PRKCQ: variants seen among roughly 807,000 people sequenced by gnomAD.
The protein encoded by PRKCQ is protein kinase C theta type.
Under a neutral mutation model 91.2 loss-of-function variants are expected in PRKCQ, and 41 were observed. The observed-to-expected ratio is 0.45, with a 90% confidence interval of 0.35 to 0.58. The LOEUF (loss-of-function observed/expected upper bound fraction) is 0.58. Ranked by LOEUF, PRKCQ falls within the 20% of genes least tolerant of loss-of-function variation. PRKCQ has a pLI of 0.00. For missense variants in PRKCQ, 673 were observed against 896.5 expected (o/e 0.75, Z 3.18); for synonymous variants, 307 against 316.9 (o/e 0.97, Z 0.33).
chr10:6,424,480 G>A (rs752272052), downstream of PRKCQ, among the ~76,000 whole-genome samples: 6 of 152,114 alleles, frequency 3.9e-5, no homozygotes, highest in East Asian at 1.9e-4. Flanking sequence ...CTTCTTCCCC[G>A]AAGTTGGGAA....
chr10:6,488,673 C>T (rs1025959742), intron 8 of PRKCQ, among the ~76,000 whole-genome samples: 11 of 152,238 alleles, frequency 7.2e-5, no homozygotes, highest in African/African-American at 1.7e-4. Flanking sequence ...TGTGAGCCAC[C>T]GCGCCCGGTC....
the PRKCQ span, among the ~76,000 whole-genome samples, chr10:6,411,357 G>A: frequency 6.6e-6 from 1 of 152,100 alleles, no homozygotes; most frequent in African/African-American, 2.4e-5. Flanking sequence ...TTTTCCTCAT[G>A]CCCCTTGGGA....
chr10:6,411,105 C>CTTA, the PRKCQ span, among the ~76,000 whole-genome samples: 1 of 151,946 alleles, frequency 6.6e-6, no homozygotes, highest in Non-Finnish European at 1.5e-5. Context: ...CTTAGGTCAT[C>CTTA]GGTATATTTT....
At chr10:6,536,404 T>C (rs1054662481) in intron 1 of PRKCQ, among the ~76,000 whole-genome samples, 21 of 152,186 alleles carry the variant, frequency 1.4e-4, no homozygotes, top group African/African-American at 4.8e-4. Context: ...ATGTCCACTG[T>C]CTTCTTTCAG....
At chr10:6,550,093 CT>C (rs1840124991) in intron 1 of PRKCQ, among the ~76,000 whole-genome samples, 2 of 152,286 alleles carry the variant, frequency 1.3e-5, no homozygotes, top group Admixed American at 1.3e-4. Context: ...GCCCTGCAAT[CT>C]CCGTTCTACT....
the PRKCQ span, among the ~76,000 whole-genome samples, chr10:6,414,792 G>GA: frequency 0.55 from 76,232 of 138,386 alleles, 20,492 homozygotes; most frequent in African/African-American, 0.64. Flanking sequence ...AAGTGATAAA[G>GA]AAAAAAAAAA....
At chr10:6,560,439 G>A (rs532834667) in intron 1 of PRKCQ, among the ~76,000 whole-genome samples, 17 of 152,244 alleles carry the variant, frequency 1.1e-4, no homozygotes, top group Non-Finnish European at 1.9e-4. Flanking sequence ...CTCCATGACT[G>A]AATCTAAAAA....
rs1554782517 is a variant in PRKCQ, at chr10:6,553,499, A to ATAAAAAT, written c.-10+26711_-10+26712insATTTTTA. ...AGCAAGACCCTGTCTCAAAAAAAAA[A>ATAAAAAT]AAAAAAAAAAAAAAAAAACAAACAA... is the stretch of plus-strand genomic sequence containing the variant. On this transcript the variant is annotated intron_variant, in intron 1 of 17. Coordinates refer to ENST00000263125, the MANE Select transcript of PRKCQ (RefSeq NM_006257.5). 5.6e-3 allele frequency among the ~76,000 whole-genome samples: 34 copies of ATAAAAAT among 6,020 alleles called. 2 individuals carry two copies. The South Asian group carries it at 0.14, about 24-fold the overall frequency. 3.9% of individuals were successfully genotyped at this position (6,020 alleles called of 152,430 possible). A position where few individuals can be genotyped will look rare whatever the true frequency, so the allele number is the denominator to read the frequency against.
chr10:6,476,032 G>A (rs1836250406), intron 12 of PRKCQ, among the ~76,000 whole-genome samples: 3 of 152,044 alleles, frequency 2.0e-5, no homozygotes, highest in Admixed American at 6.6e-5. Context: ...CCAGCTGCAC[G>A]GAACTCATTT....
At chr10:6,577,060 T>C (rs1057027439) in intron 1 of PRKCQ, among the ~76,000 whole-genome samples, 4 of 152,222 alleles carry the variant, frequency 2.6e-5, no homozygotes, top group Middle Eastern at 3.4e-3. Flanking sequence ...TTATTATTAT[T>C]ATAATTAATA....
chr10:6,423,677 C>T (rs953589715), downstream of PRKCQ, among the ~76,000 whole-genome samples: 3 of 152,128 alleles, frequency 2.0e-5, no homozygotes, highest in African/African-American at 7.2e-5. Flanking sequence ...CAGGACGACC[C>T]TGTGTCTCTG....
intron 1 of PRKCQ, among the ~76,000 whole-genome samples, chr10:6,558,760 A>C (rs920019578): frequency 6.6e-6 from 1 of 152,186 alleles, no homozygotes; most frequent in East Asian, 1.9e-4. Flanking sequence ...TGAGGGGTCT[A>C]ATTTCTTATT....
intron 1 of PRKCQ, among the ~76,000 whole-genome samples, chr10:6,577,986 G>T (rs1173828480): frequency 6.6e-6 from 1 of 152,208 alleles, no homozygotes; most frequent in Non-Finnish European, 1.5e-5. Context: ...TCATTGCAGA[G>T]AAGAATTTAG....
intron 15 of PRKCQ, among the ~76,000 whole-genome samples, chr10:6,449,588 C>A (rs1275960936): frequency 2.0e-5 from 3 of 151,692 alleles, no homozygotes; most frequent in Non-Finnish European, 4.4e-5. Flanking sequence ...GAGAACGCCA[C>A]AAAGATACTC....
At chr10:6,448,937 C>T (rs1187857673) in intron 15 of PRKCQ, among the ~76,000 whole-genome samples, 1 of 152,018 alleles carries the variant, frequency 6.6e-6, no homozygotes, top group African/African-American at 2.4e-5. Context: ...ATCTGTACAT[C>T]ACCATCATCA....
intron 11 of PRKCQ, among the ~76,000 whole-genome samples, chr10:6,482,354 A>C (rs1202295986): frequency 6.6e-6 from 1 of 152,182 alleles, no homozygotes. Context: ...CCCAGCTACT[A>C]GGGAGCTGAG....
intron 15 of PRKCQ, among the ~76,000 whole-genome samples, chr10:6,455,830 G>A (rs769305473): frequency 3.9e-5 from 6 of 152,140 alleles, no homozygotes; most frequent in African/African-American, 4.8e-5. Flanking sequence ...GATATTTCTG[G>A]ACTATGTTTT....
intron 9 of PRKCQ, 86 bp from the exon 10 acceptor site, chr10:6,485,355 T>C: frequency 1.0e-6 from 1 of 979,178 alleles, no homozygotes; most frequent in Non-Finnish European, 1.6e-6. Context: ...ACAAAGGCCA[T>C]TTAAAATGTT....
At chr10:6,470,228 G>A (rs552547801) in intron 12 of PRKCQ, among the ~76,000 whole-genome samples, 3 of 152,074 alleles carry the variant, frequency 2.0e-5, no homozygotes, top group East Asian at 3.9e-4. Flanking sequence ...CCTGTCCTCC[G>A]ATACTCCTAA....
Sources: allele counts gnomAD v4.1 joint callset (sites outside exome capture counted in the v4.1 genomes callset), GRCh38; gene constraint gnomAD v4.1.1; transcripts MANE v1.5; gene names NCBI Gene and HGNC (gene_info 2026-07-23, HGNC 2026-07-21).